Variants in LHX8 observed in about 807,000 individuals in gnomAD.
LHX8 encodes the protein LIM/homeobox protein Lhx8.
LHX8 carries 12 observed loss-of-function variants against 40.3 expected under a neutral mutation model. The observed-to-expected ratio is 0.30, with a 90% CI of 0.19 to 0.48. LHX8 has a LOEUF of 0.48. Ranked by LOEUF, LHX8 falls within the 20% of genes least tolerant of loss-of-function variation. The pLI, the probability that LHX8 is intolerant of heterozygous loss-of-function variation, is 0.99. For synonymous variants in LHX8, 179 were observed against 162.0 expected, an observed-to-expected ratio of 1.10 and a Z score of -0.80; for missense variants, 344 against 433.7, an observed-to-expected ratio of 0.79 and a Z score of 1.84.
the LHX8 span, among the ~76,000 whole-genome samples, chr1:75,182,561 C>A: frequency 6.6e-6 from 1 of 151,956 alleles, no homozygotes; most frequent in Non-Finnish European, 1.5e-5. Flanking sequence ...TTAGTAGAGA[C>A]AGGGTTTCTC....
intron 7 of LHX8, among the ~76,000 whole-genome samples, chr1:75,156,087 C>A (rs1648755930): frequency 1.3e-5 from 2 of 149,048 alleles, no homozygotes; most frequent in African/African-American, 2.5e-5. Context: ...AAGGAGATTT[C>A]TCTGGAATTC....
chr1:75,156,786 T>C (rs1195890378), intron 7 of LHX8, 107 bp from the exon 8 acceptor site: 1 of 961,146 alleles, frequency 1.0e-6, no homozygotes, highest in African/African-American at 1.6e-5. Flanking sequence ...ATGCGGTGCT[T>C]GTGTGGTAGT....
At chr1:75,198,938 A>G in the LHX8 span, among the ~76,000 whole-genome samples, 1 of 152,206 alleles carries the variant, frequency 6.6e-6, no homozygotes, top group South Asian at 2.1e-4. Flanking sequence ...AGCTTTGGCT[A>G]ACATGTAAAA....
upstream of LHX8, chr1:75,130,847 G>A: frequency 9.7e-7 from 1 of 1,027,070 alleles, no homozygotes; most frequent in Non-Finnish European, 1.5e-6. Flanking sequence ...TCCTAACCCT[G>A]AACCAAGTGT....
the LHX8 span, among the ~76,000 whole-genome samples, chr1:75,197,880 A>C: frequency 2.0e-5 from 3 of 152,220 alleles, no homozygotes; most frequent in Non-Finnish European, 4.4e-5. Context: ...AGATTAATCA[A>C]ATGAAGATCT....
chr1:75,173,618 G>C, the LHX8 span, among the ~76,000 whole-genome samples: 3 of 151,830 alleles, frequency 2.0e-5, no homozygotes, highest in African/African-American at 7.3e-5. Context: ...TCGTGACCTC[G>C]TGATCTGCCC....
intron 1 of LHX8, among the ~76,000 whole-genome samples, chr1:75,128,803 G>T (rs537327943): frequency 6.6e-6 from 1 of 152,314 alleles, no homozygotes; most frequent in Admixed American, 6.5e-5. Context: ...CGACAAAGGA[G>T]ATGAAAAAGG....
the LHX8 span, among the ~76,000 whole-genome samples, chr1:75,192,597 T>G: frequency 6.6e-6 from 1 of 152,322 alleles, no homozygotes; most frequent in Non-Finnish European, 1.5e-5. Flanking sequence ...TATGCTTCCT[T>G]TTAGTTGTGA....
downstream of LHX8, among the ~76,000 whole-genome samples, chr1:75,161,834 G>GA (rs1164066404): frequency 1.3e-5 from 2 of 151,992 alleles, no homozygotes; most frequent in East Asian, 3.9e-4. Flanking sequence ...CTTCAGGAGT[G>GA]AAAAAAGAGA....
At chr1:75,185,292 A>G in the LHX8 span, among the ~76,000 whole-genome samples, 3 of 152,258 alleles carry the variant, frequency 2.0e-5, no homozygotes, top group African/African-American at 7.2e-5. Context: ...TGGCAGAGAC[A>G]CAACAGAAAA....
chr1:75,144,801 T>C (rs573136042), intron 6 of LHX8, among the ~76,000 whole-genome samples: 1 of 152,118 alleles, frequency 6.6e-6, no homozygotes, highest in Non-Finnish European at 1.5e-5. Flanking sequence ...ATACATAGTA[T>C]CCATCTTAGC....
chr1:75,195,753 T>A, the LHX8 span, among the ~76,000 whole-genome samples: 1 of 151,608 alleles, frequency 6.6e-6, no homozygotes, highest in Non-Finnish European at 1.5e-5. Context: ...CTCTCTCCCC[T>A]CTCTCCCTCT....
the LHX8 span, among the ~76,000 whole-genome samples, chr1:75,178,801 T>C: frequency 6.6e-6 from 1 of 151,498 alleles, no homozygotes; most frequent in Non-Finnish European, 1.5e-5. Flanking sequence ...CTTTCTCTTG[T>C]GGGCATTTAG....
At chr1:75,142,829 C>T (rs1308322656) in intron 4 of LHX8, among the ~76,000 whole-genome samples, 1 of 151,984 alleles carries the variant, frequency 6.6e-6, no homozygotes, top group African/African-American at 2.4e-5. Flanking sequence ...ATATTTGATA[C>T]AACAAAAGGG....
intron 5 of LHX8, among the ~76,000 whole-genome samples, chr1:75,143,596 T>C (rs1648378170): frequency 2.0e-5 from 3 of 152,182 alleles, no homozygotes; most frequent in Admixed American, 2.0e-4. Flanking sequence ...TAAATAGTTG[T>C]TTTCCTGTAT....
At chr1:75,151,237 G>A (rs1269141274) in intron 7 of LHX8, among the ~76,000 whole-genome samples, 2 of 152,182 alleles carry the variant, frequency 1.3e-5, no homozygotes, top group African/African-American at 4.8e-5. Flanking sequence ...AAGACCTAGG[G>A]TTCACAGTGT....
chr1:75,164,946 T>C (rs1649001580), downstream of LHX8, among the ~76,000 whole-genome samples: 2 of 152,158 alleles, frequency 1.3e-5, no homozygotes, highest in Admixed American at 1.3e-4. Flanking sequence ...GTGCTGAGAT[T>C]ATAGGCATGA....
chr1:75,167,670 TG>T, the LHX8 span, among the ~76,000 whole-genome samples: 2 of 152,206 alleles, frequency 1.3e-5, no homozygotes, highest in African/African-American at 2.4e-5. Context: ...TCCTCAGTTT[TG>T]TCTCAAGATT....
chr1:75,193,641 G>A, the LHX8 span, among the ~76,000 whole-genome samples: 13 of 152,158 alleles, frequency 8.5e-5, no homozygotes, highest in Non-Finnish European at 1.9e-4. Flanking sequence ...ATAATTCGTA[G>A]TAAATAAAAT....
Sources: allele counts gnomAD v4.1 joint callset (sites outside exome capture counted in the v4.1 genomes callset), GRCh38; gene constraint gnomAD v4.1.1; transcripts MANE v1.5; gene names NCBI Gene and HGNC (gene_info 2026-07-23, HGNC 2026-07-21).